Variants in FTO observed in about 807,000 individuals in gnomAD.
The protein encoded by FTO is alpha-ketoglutarate-dependent dioxygenase FTO.
A neutral mutation model predicts 63.9 loss-of-function variants in FTO; 47 were observed. The ratio of observed to expected loss-of-function variants is 0.74; its 90% CI spans 0.58 to 0.94. The LOEUF (loss-of-function observed/expected upper bound fraction) is 0.94. Among genes scored for constraint, FTO ranks in the 40% least tolerant of loss-of-function variants. The pLI is 0.00. For missense variants in FTO, 562 were observed against 618.1 expected (o/e 0.91, Z 0.96); for synonymous variants, 207 against 224.4 (o/e 0.92, Z 0.69).
intron 7 of FTO, among the ~76,000 whole-genome samples, chr16:53,920,629 G>T (rs2081985561): frequency 6.6e-6 from 1 of 152,144 alleles, no homozygotes; most frequent in South Asian, 2.1e-4. Context: ...CATGTGTCTA[G>T]TATGGAACGC....
At chr16:53,980,139 G>C (rs1363235632) in intron 8 of FTO, among the ~76,000 whole-genome samples, 1 of 152,142 alleles carries the variant, frequency 6.6e-6, no homozygotes, top group East Asian at 1.9e-4. Flanking sequence ...AAGAAGAACT[G>C]GTTAGTCATG....
intron 4 of FTO, among the ~76,000 whole-genome samples, chr16:53,873,402 C>T (rs1036877113): frequency 6.6e-6 from 1 of 151,536 alleles, no homozygotes; most frequent in African/African-American, 2.4e-5. Context: ...TTCAAAGTGT[C>T]ATACTTTGTA....
chr16:53,770,322 G>C (rs1305646057), intron 1 of FTO, among the ~76,000 whole-genome samples: 1 of 152,092 alleles, frequency 6.6e-6, no homozygotes, highest in Non-Finnish European at 1.5e-5. Context: ...GAATTTCCAA[G>C]AATTCCCAAG....
At chr16:53,991,289 T>A (rs1229369484) in intron 8 of FTO, 1 of 152,226 alleles carries the variant, frequency 6.6e-6, no homozygotes, top group African/African-American at 2.4e-5. Flanking sequence ...CACCCAAGCC[T>A]CGTGATTAAT....
At chr16:54,075,384 TC>T (rs2085968925) in intron 8 of FTO, among the ~76,000 whole-genome samples, 1 of 152,184 alleles carries the variant, frequency 6.6e-6, no homozygotes, top group South Asian at 2.1e-4. Context: ...TCGTTAACTA[TC>T]CCAGGACGCT....
In FTO at chr16:53,842,086, A is replaced by T. The variant is rs75251102; in HGVS notation, c.752-2069A>T. On this transcript the variant is annotated intron_variant, in intron 3 of 8. Transcript: ENST00000471389. ...CTGCCATCTAGCACAAGGACTGTGA[A>T]TGGAGTGAACTAAAAGAACATTTTG... 9.4e-3 allele frequency among the ~76,000 whole-genome samples: 1,432 copies of T among 152,280 alleles called. 8 individuals carry two copies. Among genetic ancestry groups the T allele is most frequent in the Non-Finnish European group, 0.016 (1,119 of 68,028 alleles).
intron 7 of FTO, among the ~76,000 whole-genome samples, chr16:53,906,749 T>A (rs1324944559): frequency 6.6e-6 from 1 of 152,060 alleles, no homozygotes; most frequent in Non-Finnish European, 1.5e-5. Flanking sequence ...ATGCAGGTTA[T>A]ATAAGGCTTC....
At chr16:54,038,648 G>A (rs575752629) in intron 8 of FTO, among the ~76,000 whole-genome samples, 84 of 152,310 alleles carry the variant, frequency 5.5e-4, no homozygotes, top group African/African-American at 1.9e-3. Context: ...GCAGTAATGA[G>A]TGAGTTCTCA....
intron 8 of FTO, among the ~76,000 whole-genome samples, chr16:54,074,121 T>G (rs997089870): frequency 7.2e-5 from 11 of 152,090 alleles, no homozygotes; most frequent in Non-Finnish European, 1.0e-4. Context: ...TCAATACTTC[T>G]GTGAAATTTG....
intron 8 of FTO, among the ~76,000 whole-genome samples, chr16:54,106,981 T>C (rs1299279605): frequency 1.4e-5 from 2 of 145,000 alleles, no homozygotes; most frequent in Admixed American, 7.0e-5. Context: ...CTCCTAAATT[T>C]GTATTATAAA....
chr16:54,099,423 G>A (rs1431126511), intron 8 of FTO, among the ~76,000 whole-genome samples: 2 of 152,122 alleles, frequency 1.3e-5, no homozygotes, highest in Non-Finnish European at 2.9e-5. Context: ...ATAGCATTGT[G>A]TGCTGGGGAA....
chr16:53,787,123 A>G (rs1475913827), intron 1 of FTO, among the ~76,000 whole-genome samples: 2 of 148,778 alleles, frequency 1.3e-5, no homozygotes, highest in Non-Finnish European at 3.0e-5. Flanking sequence ...AAAAAAAAAA[A>G]AAAAAAAAAA....
At chr16:54,036,965 G>T (rs2144250039) in intron 8 of FTO, among the ~76,000 whole-genome samples, 1 of 152,272 alleles carries the variant, frequency 6.6e-6, no homozygotes, top group African/African-American at 2.4e-5. Flanking sequence ...GTCAGTCTTT[G>T]ATTTCTGCAT....
Position 53,873,806 on chromosome 16 carries a change from C to A in FTO, c.916C>A (p.Gln306Lys), listed in dbSNP as rs1350889567. ...FMLDDLNATH[Q>K]HCVLAGSQPR... ...TGTAGATGATCTCAATGCCACCCAC[C>A]AACACTGTGTTTTGGCCGGTTCACA... The change falls in exon 5 of 9, where the codon CAA (glutamine) becomes AAA (lysine). Residue 306 changes from glutamine to lysine, a missense_variant. Coordinates refer to ENST00000471389, the MANE Select transcript of FTO (RefSeq NM_001080432.3). 4.3e-6 allele frequency: 7 copies of A among 1,612,856 alleles called. No individual in the cohort carries two copies. The highest frequency in any genetic ancestry group is 5.9e-6 in the Non-Finnish European group (7 of 1,179,228).
At chr16:53,860,078 G>T (rs552112975) in intron 4 of FTO, among the ~76,000 whole-genome samples, 1 of 151,830 alleles carries the variant, frequency 6.6e-6, no homozygotes, top group South Asian at 2.1e-4. Flanking sequence ...AAATGCAGTA[G>T]GTATATCTAT....
chr16:54,117,117 CTGAGTT>C lies in FTO; in HGVS notation c.*5204_*5209del, dbSNP rs1322162407. The stretch of plus-strand genomic sequence containing the variant: ...ATTCCTGAGTGGCAGAAGAGGTTTT[CTGAGTT>C]TAAGTTCTGATTCTGTGTGTGATTC... On this transcript the variant is annotated 3_prime_UTR_variant, in exon 9 of 9. Transcript: ENST00000471389. 6.6e-6 allele frequency: 1 copy of C among 152,214 alleles called. No individual in the cohort carries two copies. Among genetic ancestry groups the C allele is most frequent in the Non-Finnish European group, 1.5e-5 (1 of 68,042 alleles). 9.4% of individuals were successfully genotyped at this position (152,214 alleles called of 1,614,324 possible).
intron 4 of FTO, among the ~76,000 whole-genome samples, chr16:53,872,476 C>A (rs1198624821): frequency 6.6e-6 from 1 of 152,188 alleles, no homozygotes; most frequent in African/African-American, 2.4e-5. Flanking sequence ...TTCCTCTTCT[C>A]TATTCTGTGG....
At chr16:53,808,104 A>G (rs1212506697) in intron 1 of FTO, among the ~76,000 whole-genome samples, 1 of 152,118 alleles carries the variant, frequency 6.6e-6, no homozygotes, top group Non-Finnish European at 1.5e-5. Flanking sequence ...CAAGGCGGGC[A>G]GATCATTTGA....
chr16:53,826,079 C>T lies in FTO; in HGVS notation c.339C>T (p.Leu113=). The change falls in exon 3 of 9, where the codon CTC becomes CTT. Residue 113 remains leucine, a synonymous_variant. Transcript: ENST00000471389. ...GCTYKYLNTR[L]FTVPWPVKGS... ...CCTACAAGTACCTGAACACCAGGCT[C>T]TTTACGGTCCCCTGGCCAGTGAAAG... 1 of 1,614,164 alleles carries T rather than the reference C, an allele frequency of 6.2e-7. No homozygotes were observed. Among genetic ancestry groups the T allele is most frequent in the Non-Finnish European group, 8.5e-7 (1 of 1,180,032 alleles).
Sources: gnomAD v4.1 joint callset for allele counts (sites outside exome capture counted in the v4.1 genomes callset) on GRCh38, gnomAD v4.1.1 for gene constraint, MANE v1.5 for transcripts, NCBI Gene and HGNC (gene_info 2026-07-23, HGNC 2026-07-21) for gene names.